The following GPSM1 variants were observed in gnomAD, a reference collection of about 807,000 sequenced individuals.
The protein encoded by GPSM1 is G protein-signaling modulator 1.
GPSM1 carries 48 observed loss-of-function variants against 70.5 expected under a neutral mutation model. The ratio of observed to expected loss-of-function variants is 0.68; its 90% CI spans 0.54 to 0.87. The LOEUF (loss-of-function observed/expected upper bound fraction) is 0.87. Among genes scored for constraint, GPSM1 ranks in the 40% least tolerant of loss-of-function variants. The pLI is 0.00. For synonymous variants in GPSM1, 416 were observed against 430.1 expected (o/e 0.97, Z 0.41); for missense variants, 981 against 972.6 (o/e 1.01, Z -0.11).
intron 1 of GPSM1, among the ~76,000 whole-genome samples, chr9:136,334,119 G>A (rs1832168590): frequency 6.6e-6 from 1 of 152,178 alleles, no homozygotes; most frequent in Non-Finnish European, 1.5e-5. Context: ...GCAGGGTATG[G>A]GGGCCACACC....
At chr9:136,355,507 G>A (rs1832788292) in intron 11 of GPSM1, 183 bp from the exon 12 acceptor site, 3 of 453,964 alleles carry the variant, frequency 6.6e-6, no homozygotes, top group Non-Finnish European at 1.2e-5. Context: ...CCTGGGGGAG[G>A]GGTAGCCGGG....
chr9:136,334,458 C>A lies in GPSM1; in HGVS notation c.80C>A (p.Ser27Tyr). 2 of 1,612,114 alleles carry A rather than the reference C, an allele frequency of 1.2e-6. No homozygotes were observed. Among genetic ancestry groups the A allele is most frequent in the South Asian group, 1.1e-5 (1 of 91,034 alleles). Residue 27 changes from serine to tyrosine, a missense_variant, in exon 2 of 14, where the codon TCC becomes TAC. Coordinates refer to ENST00000440944, the MANE Select transcript of GPSM1 (RefSeq NM_001145638.3). The stretch of plus-strand genomic sequence containing the variant: ...GTTCCTCTGCACAGGATGGAGGCGT[C>A]CTGCCTAGAGCTGGCGCTGGAGGGC... ...ARRLYSRMEA[S>Y]CLELALEGER...
At chr9:136,334,709 C>T in intron 2 of GPSM1, 41 bp downstream of exon 2, 2 of 1,535,930 alleles carry the variant, frequency 1.3e-6, no homozygotes, top group Non-Finnish European at 1.8e-6. Flanking sequence ...GTGGGGCGGC[C>T]CTGCTGGCGC....
rs1198890150 is a variant in GPSM1, at chr9:136,342,666, G to A, written c.1207+1673G>A. 6.6e-6 allele frequency among the ~76,000 whole-genome samples: 1 copy of A among 152,172 alleles called. No homozygotes were observed. Among genetic ancestry groups the A allele is most frequent in the Non-Finnish European group, 1.5e-5 (1 of 68,008 alleles). On this transcript the variant is annotated intron_variant, in intron 9 of 13. Coordinates refer to ENST00000440944, the MANE Select transcript of GPSM1 (RefSeq NM_001145638.3). This position sits in a 1 kb window ranked among gnomAD's most constrained non-coding sequence, Gnocchi z 5.5. ...GACAGGGCCTTGAGGCCGGGAGTCT[G>A]GACCCGGCGTTGCGGGTTGGGGGCG...
intron 1 of GPSM1, among the ~76,000 whole-genome samples, chr9:136,333,143 C>T (rs1188719077): frequency 1.3e-5 from 2 of 152,254 alleles, no homozygotes; most frequent in African/African-American, 4.8e-5. Flanking sequence ...TCAGGTCCCT[C>T]CTGGGCTCCA....
chr9:136,350,170 C>T (rs907198316), intron 11 of GPSM1, among the ~76,000 whole-genome samples: 16 of 152,354 alleles, frequency 1.1e-4, no homozygotes, highest in African/African-American at 2.6e-4. Flanking sequence ...CAGACCCATC[C>T]GCTAGTCACA....
intron 1 of GPSM1, 24 bp downstream of exon 1, chr9:136,327,787 C>CGGGGCCGGGGCT: frequency 9.5e-7 from 1 of 1,050,146 alleles, no homozygotes; most frequent in Non-Finnish European, 1.2e-6. Flanking sequence ...GGGCCGGGGC[C>CGGGGCCGGGGCT]GGGGCCGGGG....
At chr9:136,337,221 G>T in intron 4 of GPSM1, 149 bp downstream of exon 4, 1 of 1,050,658 alleles carries the variant, frequency 9.5e-7, no homozygotes, top group Non-Finnish European at 1.3e-6. Context: ...CGCTTTCTCA[G>T]CTGCTGGCTC....
chr9:136,356,811 C>T (rs892490395), intron 13 of GPSM1, among the ~76,000 whole-genome samples: 1 of 152,178 alleles, frequency 6.6e-6, no homozygotes, highest in Non-Finnish European at 1.5e-5. Flanking sequence ...GCTGTGCCAC[C>T]CCCCTGCCAT....
Position 136,358,625 on chromosome 9 carries a change from G to A in GPSM1, c.*405G>A, listed in dbSNP as rs1466794864. 6.4e-6 allele frequency: 2 copies of A among 311,974 alleles called. No homozygotes were observed. The highest frequency in any genetic ancestry group is 1.2e-5 in the Non-Finnish European group (2 of 167,910). 19.3% of individuals were successfully genotyped at this position (311,974 alleles called of 1,614,324 possible). A position where few individuals can be genotyped will look rare whatever the true frequency, so the allele number is the denominator to read the frequency against. On this transcript the variant is annotated 3_prime_UTR_variant, in exon 14 of 14. Coordinates refer to ENST00000440944, the MANE Select transcript of GPSM1 (RefSeq NM_001145638.3). ...CCGCCTCTTGGGGCCACCAAGGACA[G>A]GGCCATGTTCTGTCCCCCCAGAGCT...
rs143977968 is a variant in GPSM1, at chr9:136,354,015, C to T, written c.1456-1675C>T. On this transcript the variant is annotated intron_variant, in intron 11 of 13. Transcript: ENST00000440944. The stretch of plus-strand genomic sequence containing the variant: ...GAATCCGGGGGAGTGGGGGTGTTGC[C>T]TTAGGCCTGAGCCAGGCTGCAGGAG... Among the ~76,000 whole-genome samples, 830 of 152,212 alleles carry T rather than the reference C, an allele frequency of 5.5e-3. 2 individuals carry two copies. Among genetic ancestry groups the T allele is most frequent in the Non-Finnish European group, 9.0e-3 (613 of 68,004 alleles).
intron 9 of GPSM1, among the ~76,000 whole-genome samples, chr9:136,346,561 C>G (rs1266322667): frequency 1.3e-5 from 2 of 152,208 alleles, no homozygotes; most frequent in African/African-American, 4.8e-5. Context: ...TAGGTGGCAG[C>G]AGGACCCCCT....
At chr9:136,355,095 C>T (rs1446635753) in intron 11 of GPSM1, 1 of 209,374 alleles carries the variant, frequency 4.8e-6, no homozygotes, top group Non-Finnish European at 5.8e-6. Context: ...GAGGGGTAGC[C>T]GGGTGCCGAG....
chr9:136,332,522 C>T (rs1832125830), intron 1 of GPSM1, among the ~76,000 whole-genome samples: 1 of 152,216 alleles, frequency 6.6e-6, no homozygotes, highest in Non-Finnish European at 1.5e-5. Flanking sequence ...CCCTCTCCTC[C>T]GATGTTGCCT....
rs1276577167 is a variant in GPSM1, at chr9:136,356,420, A to G, written c.1691A>G (p.Asp564Gly). The change falls in exon 13 of 14, where the codon GAC becomes GGC. Residue 564 changes from aspartate to glycine, a missense_variant. Coordinates refer to ENST00000440944, the MANE Select transcript of GPSM1 (RefSeq NM_001145638.3). ...LIASSQSRRL[D>G]DQRASVGSLP... ...GCCAGCTCCCAGAGCCGCCGGCTGG[A>G]CGACCAGCGGGCCAGCGTGGGCAGC... is the stretch of plus-strand genomic sequence containing the variant. 5.0e-6 allele frequency: 8 copies of G among 1,609,978 alleles called. No homozygotes were observed. In the Admixed American group the frequency reaches 1.3e-4, roughly 27 times the overall value.
chr9:136,357,975 T>TG (rs781877009), intron 13 of GPSM1, 39 bp from the exon 14 acceptor site: 21 of 1,539,362 alleles, frequency 1.4e-5, no homozygotes, highest in South Asian at 3.4e-5. Flanking sequence ...CCACTGGGGC[T>TG]GGGGGGGTGA....
chr9:136,352,700 G>T (rs868995480), intron 11 of GPSM1, among the ~76,000 whole-genome samples: 1 of 152,214 alleles, frequency 6.6e-6, no homozygotes, highest in African/African-American at 2.4e-5. Flanking sequence ...GCCTGCCTCC[G>T]TAGTCAGGCT....
intron 9 of GPSM1, among the ~76,000 whole-genome samples, chr9:136,348,422 C>T (rs568081224): frequency 6.6e-6 from 1 of 152,322 alleles, no homozygotes; most frequent in South Asian, 2.1e-4. Context: ...GAGGCCTGTC[C>T]AGAGCCGGGC....
intron 11 of GPSM1, among the ~76,000 whole-genome samples, chr9:136,354,147 G>A (rs2131414542): frequency 6.6e-6 from 1 of 152,298 alleles, no homozygotes; most frequent in Non-Finnish European, 1.5e-5. Flanking sequence ...TGACTCCAGG[G>A]GCCAGAGCCA....
Sources: gnomAD v4.1 joint callset for allele counts (sites outside exome capture counted in the v4.1 genomes callset) on GRCh38, gnomAD v4.1.1 for gene constraint, Gnocchi (gnomAD v3.1) non-coding constraint, MANE v1.5 for transcripts, NCBI Gene and HGNC (gene_info 2026-07-23, HGNC 2026-07-21) for gene names.